STN1: variants seen among roughly 807,000 people sequenced by gnomAD.
The protein encoded by STN1 is STN1 subunit of CST complex.
In STN1, 29 loss-of-function variants were observed where a neutral mutation model predicts 45.5. The observed-to-expected ratio is 0.64, with a 90% CI of 0.47 to 0.87. The LOEUF is 0.87. Among genes scored for constraint, STN1 ranks in the 40% least tolerant of loss-of-function variants. STN1 has a pLI of 0.00. For missense variants in STN1, 376 were observed against 441.4 expected, an observed-to-expected ratio of 0.85 and a Z score of 1.33; for synonymous variants, 148 against 159.0, an observed-to-expected ratio of 0.93 and a Z score of 0.52.
Position 103,882,840 on chromosome 10 carries a change from G to T in STN1, c.951C>A (p.His317Gln). 1 of 1,610,110 alleles carries T rather than the reference G, an allele frequency of 6.2e-7. No homozygotes were observed. Among genetic ancestry groups the T allele is most frequent in the South Asian group, 1.1e-5 (1 of 90,654 alleles). Residue 317 changes from histidine (H) to glutamine (Q), a missense_variant and splice_region_variant, in exon 10 of 10, where the codon CAC becomes CAA. Transcript: ENST00000224950. Reference sequence around the variant, plus strand: ...GCAGGAAGTGACAGCCCTTCTCCATGTCTGCAGGAAAAAGGTAGGTGGCTG... The same window carrying T: ...GCAGGAAGTGACAGCCCTTCTCCATTTCTGCAGGAAAAAGGTAGGTGGCTG... Reference protein sequence around the residue: ...IIQQDCQKPNHMEKGCHFLHI... With the variant: ...IIQQDCQKPNQMEKGCHFLHI...
chr10:103,902,540 T>C (rs1444447882), intron 4 of STN1, among the ~76,000 whole-genome samples: 1 of 152,200 alleles, frequency 6.6e-6, no homozygotes, highest in African/African-American at 2.4e-5. Context: ...AACTTCACTT[T>C]CAGTGTCTAT....
At chr10:103,913,968 C>T (rs192296205) in intron 2 of STN1, among the ~76,000 whole-genome samples, 9 of 152,172 alleles carry the variant, frequency 5.9e-5, no homozygotes, top group Non-Finnish European at 1.0e-4. Flanking sequence ...CAGGTTGACT[C>T]GGATTTCAAG....
chr10:103,904,133 T>C (rs1343096168), intron 4 of STN1, among the ~76,000 whole-genome samples: 1 of 152,128 alleles, frequency 6.6e-6, no homozygotes, highest in African/African-American at 2.4e-5. Flanking sequence ...TGCAAGTAGA[T>C]AGATACTAGA....
At chr10:103,894,771 C>A (rs1379506633) in intron 7 of STN1, among the ~76,000 whole-genome samples, 2 of 151,620 alleles carry the variant, frequency 1.3e-5, no homozygotes, top group Non-Finnish European at 2.9e-5. Context: ...CTCGCCTCAT[C>A]TCAGGTCAGG....
At chr10:103,907,561 C>T (rs1248680858) in intron 3 of STN1, among the ~76,000 whole-genome samples, 3 of 152,120 alleles carry the variant, frequency 2.0e-5, no homozygotes, top group African/African-American at 7.2e-5. Context: ...TTCTATATTT[C>T]TTTGATACTG....
chr10:103,906,819 AAAGC>A (rs1460607757), intron 3 of STN1, among the ~76,000 whole-genome samples: 1 of 152,276 alleles, frequency 6.6e-6, no homozygotes, highest in Non-Finnish European at 1.5e-5. Flanking sequence ...ACCATTAAGA[AAAGC>A]AAGTATACAT....
At position 103,882,519 on chromosome 10, in the gene STN1, A is replaced by G; in HGVS notation, c.*165T>C. On this transcript the variant is annotated 3_prime_UTR_variant, in exon 10 of 10. Coordinates refer to ENST00000224950, the MANE Select transcript of STN1 (RefSeq NM_024928.5). ...AGGACATAGTGGACAGAAGGGAGCC[A>G]ACAACATTTATGCCAAATCCCATTC... 1.5e-6 allele frequency: 1 copy of G among 674,124 alleles called. No individual in the cohort carries two copies. Among genetic ancestry groups the G allele is most frequent in the African/African-American group, 1.8e-5 (1 of 55,254 alleles). 41.8% of individuals were successfully genotyped at this position (674,124 alleles called of 1,614,324 possible). A position where few individuals can be genotyped will look rare whatever the true frequency, so the allele number is the denominator to read the frequency against.
At chr10:103,886,716 C>G (rs1843105866) in intron 9 of STN1, among the ~76,000 whole-genome samples, 2 of 152,168 alleles carry the variant, frequency 1.3e-5, no homozygotes, top group African/African-American at 4.8e-5. Flanking sequence ...CTTTTTGGAT[C>G]ATAATTATGC....
intron 9 of STN1, among the ~76,000 whole-genome samples, chr10:103,886,386 T>A (rs1843103275): frequency 6.9e-6 from 1 of 144,064 alleles, no homozygotes; most frequent in Admixed American, 7.4e-5. Flanking sequence ...GTGTTTATTG[T>A]ACCAGTCTTT....
intron 3 of STN1, among the ~76,000 whole-genome samples, chr10:103,909,442 A>G (rs796748341): frequency 0.018 from 906 of 51,446 alleles, 117 homozygotes; most frequent in East Asian, 0.12. Context: ...ATGTATATAT[A>G]TGTATATATG....
chr10:103,918,053 G>T (rs1428874204), intron 1 of STN1, 47 bp downstream of exon 1: 2 of 153,942 alleles, frequency 1.3e-5, no homozygotes, highest in African/African-American at 4.8e-5. Flanking sequence ...CGCTTTTGGG[G>T]ATGAGCCAAG....
chr10:103,907,360 T>C (rs1843248499), intron 3 of STN1, among the ~76,000 whole-genome samples: 1 of 152,216 alleles, frequency 6.6e-6, no homozygotes, highest in Admixed American at 6.5e-5. Flanking sequence ...AATAGAAATA[T>C]ATAATCCAAT....
intron 4 of STN1, among the ~76,000 whole-genome samples, chr10:103,903,003 A>G (rs552805711): frequency 1.8e-4 from 28 of 152,380 alleles, no homozygotes; most frequent in African/African-American, 6.7e-4. Context: ...ATTACGAAGT[A>G]TAAGAATTAT....
chr10:103,881,637 C>T lies in STN1; in HGVS notation c.*1047G>A, dbSNP rs545816098. Among the ~76,000 whole-genome samples the T allele has an allele frequency of 1.3e-5, 2 of 152,326 alleles. No individual in the cohort carries two copies. Among genetic ancestry groups the T allele is most frequent in the African/African-American group, 2.4e-5 (1 of 41,572 alleles). ...GCCTAAAGGATCTCCAGCTGAGCCA[C>T]GAAGAGCTTATCACATCAAGAGCAA... On this transcript the variant is annotated 3_prime_UTR_variant, in exon 10 of 10. Transcript: ENST00000224950.
intron 9 of STN1, among the ~76,000 whole-genome samples, chr10:103,884,715 A>G (rs34379047): frequency 7.0e-4 from 106 of 152,298 alleles, no homozygotes; most frequent in African/African-American, 2.4e-3. Context: ...AGCACGGTTC[A>G]AGGTTTGGTG....
chr10:103,892,336 A>G, intron 7 of STN1, 84 bp from the exon 8 acceptor site: 1 of 1,316,236 alleles, frequency 7.6e-7, no homozygotes, highest in South Asian at 1.6e-5. Flanking sequence ...CAACTGGTTC[A>G]TGAATTTGTC....
At chr10:103,908,217 G>A (rs1023639726) in intron 3 of STN1, among the ~76,000 whole-genome samples, 3 of 152,108 alleles carry the variant, frequency 2.0e-5, no homozygotes, top group South Asian at 2.1e-4. Context: ...AATATTCTAG[G>A]TCTAAGCTCG....
chr10:103,909,397 T>TA (rs1843267813), intron 3 of STN1, among the ~76,000 whole-genome samples: 1 of 68,076 alleles, frequency 1.5e-5, no homozygotes, highest in Non-Finnish European at 3.2e-5. Flanking sequence ...TATGTATATA[T>TA]GTATATATAT....
In STN1 at chr10:103,882,660, C is replaced by A; in HGVS notation, c.*24G>T. On this transcript the variant is annotated 3_prime_UTR_variant, in exon 10 of 10. Transcript: ENST00000224950. ...TGAATGCCACCTTATCTTTGTCCTC[C>A]TCAGCTGGTCTGCGTGTCTCTGCTC... 2 of 1,584,794 alleles carry A rather than the reference C, an allele frequency of 1.3e-6. No individual in the cohort carries two copies. The highest frequency in any genetic ancestry group is 1.7e-6 in the Non-Finnish European group (2 of 1,161,490).
Sources: allele counts gnomAD v4.1 joint callset (sites outside exome capture counted in the v4.1 genomes callset), GRCh38; gene constraint gnomAD v4.1.1; transcripts MANE v1.5; gene names NCBI Gene and HGNC (gene_info 2026-07-23, HGNC 2026-07-21).